GON4L: variants seen among roughly 807,000 people sequenced by gnomAD.
GON4L encodes the protein GON-4-like protein.
A neutral mutation model predicts 211.8 loss-of-function variants in GON4L; 87 were observed. The ratio of observed to expected loss-of-function variants is 0.41; its 90% confidence interval spans 0.35 to 0.49. GON4L has a LOEUF of 0.49. Ranked by LOEUF, GON4L falls within the 20% of genes least tolerant of loss-of-function variation. GON4L has a pLI of 0.15. For missense variants in GON4L, 2,155 were observed against 2,659.5 expected, an observed-to-expected ratio of 0.81 and a Z score of 4.17; for synonymous variants, 875 against 962.6, an observed-to-expected ratio of 0.91 and a Z score of 1.68.
downstream of GON4L, chr1:155,747,108 G>C: frequency 1.2e-6 from 2 of 1,605,558 alleles, no homozygotes; most frequent in Non-Finnish European, 1.7e-6. Context: ...ACTAAATGTC[G>C]ATTTTTCTGA....
At chr1:155,820,001 G>GC (rs1553213316) in intron 6 of GON4L, among the ~76,000 whole-genome samples, 3 of 152,094 alleles carry the variant, frequency 2.0e-5, no homozygotes, top group Non-Finnish European at 4.4e-5. Context: ...TGCAACCTCC[G>GC]CCCCCGGGTT....
In GON4L at chr1:155,785,358, C is replaced by T. The variant is rs1276574294; in HGVS notation, c.1764G>A (p.Glu588=). 2 of 1,600,800 alleles carry T rather than the reference C, an allele frequency of 1.2e-6. No homozygotes were observed. ...CAGTTTCAAACAGCTCTTCCATCAG[C>T]TCATTTACTTCCTTTTCTGCAAGAA... ...AVRITKKEVN[E]LMEELFETFQ... The change falls in exon 13 of 32, where the codon GAG becomes GAA. Residue 588 remains glutamate (E), a synonymous_variant. Transcript: ENST00000368331.
chr1:155,766,775 G>C, intron 20 of GON4L, 66 bp from the exon 21 acceptor site: 1 of 1,605,482 alleles, frequency 6.2e-7, no homozygotes, highest in Non-Finnish European at 8.5e-7. Context: ...GCTTGGCACA[G>C]TGGCTCACGC....
intron 14 of GON4L, among the ~76,000 whole-genome samples, chr1:155,781,123 T>A (rs1020279444): frequency 2.5e-4 from 38 of 151,460 alleles, no homozygotes; most frequent in East Asian, 5.8e-4. Flanking sequence ...AGTTGTATTT[T>A]TTATTATTAT....
intron 24 of GON4L, among the ~76,000 whole-genome samples, chr1:155,759,193 G>C (rs1571630146): frequency 6.6e-6 from 1 of 151,438 alleles, no homozygotes; most frequent in African/African-American, 2.4e-5. Context: ...TAAAGATGGG[G>C]TCTTGCTATG....
At chr1:155,770,023 TAAAAAAAAAAA>T (rs59380170) in intron 19 of GON4L, among the ~76,000 whole-genome samples, 14 of 43,714 alleles carry the variant, frequency 3.2e-4, no homozygotes, top group African/African-American at 1.0e-3. Flanking sequence ...CTCCATTTCT[TAAAAAAAAAAA>T]AAAAAAAAAA....
intron 2 of GON4L, among the ~76,000 whole-genome samples, chr1:155,844,226 G>A (rs1671027545): frequency 6.6e-6 from 1 of 152,154 alleles, no homozygotes; most frequent in South Asian, 2.1e-4. Context: ...CAGACATTAA[G>A]AAAAATTCAG....
chr1:155,791,491 G>GAA (rs77118374), intron 12 of GON4L, among the ~76,000 whole-genome samples: 21 of 128,144 alleles, frequency 1.6e-4, no homozygotes, highest in Admixed American at 9.5e-4. Context: ...TTTGCATAGG[G>GAA]AAAAAAAAAA....
rs1007597918 is a variant in GON4L at position 155,757,045 on chromosome 1, A to T, written c.5430T>A (p.Asp1810Glu). 2 of 1,613,884 alleles carry T rather than the reference A, an allele frequency of 1.2e-6. No homozygotes were observed. The highest frequency in any genetic ancestry group is 1.7e-6 in the Non-Finnish European group (2 of 1,179,826). ...TGGGAGGCTCCTCCTCTTCTTCCAC[A>T]TCAGGCAGGGCCACTTCTTCAAAGC... ...FDGFEEVALP[D>E]VEEEEEPPKI... Residue 1810 changes from aspartate to glutamate, a missense_variant, in exon 27 of 32, where the codon GAT becomes GAA. This residue lies in a region of GON4L where 455 missense variants were observed against 504.6 expected (regional missense o/e 0.90). Transcript: ENST00000368331.
In GON4L at chr1:155,750,597, T is replaced by C; in HGVS notation, c.6713A>G (p.Glu2238Gly). 6.3e-7 allele frequency: 1 copy of C among 1,587,924 alleles called. No homozygotes were observed. The highest frequency in any genetic ancestry group is 1.1e-5 in the South Asian group (1 of 89,868). The change falls in exon 32 of 32, where the codon GAG (glutamate) becomes GGG (glycine). Residue 2238 changes from glutamate (E) to glycine (G), a missense_variant. Around this residue, in one of 6 missense-constraint regions of GON4L, gnomAD observed 186 missense variants for 308.1 expected, o/e 0.60. Transcript: ENST00000368331. ...SDHGDLLSEE[E>G]LDE ...ATTCCCAGAGTCTCATTCATCCAGCTCCTCTTCAGACAGAAGGTCCCCATG... is the reference window on the plus strand; with the variant it reads ...ATTCCCAGAGTCTCATTCATCCAGCCCCTCTTCAGACAGAAGGTCCCCATG...
chr1:155,847,142 C>A (rs535202025), intron 2 of GON4L, among the ~76,000 whole-genome samples: 1 of 152,294 alleles, frequency 6.6e-6, no homozygotes, highest in Admixed American at 6.5e-5. Flanking sequence ...AGTTGAACAC[C>A]GTGAGTTCGA....
Position 155,809,286 on chromosome 1 carries a change from T to A in GON4L, c.1453-4145A>T, listed in dbSNP as rs1667455821. Among the ~76,000 whole-genome samples the A allele has an allele frequency of 1.3e-5, 2 of 152,038 alleles. 1 individual carries two copies. Among genetic ancestry groups the A allele is most frequent in the South Asian group, 4.1e-4 (2 of 4,828 alleles). The stretch of plus-strand genomic sequence containing the variant: ...ATTTAGTTCATAGCACTTAACCACA[T>A]CCGAATTTACTTGTTTATATGTTTA... On this transcript the variant is annotated intron_variant, in intron 10 of 31. Coordinates refer to ENST00000368331, the MANE Select transcript of GON4L (RefSeq NM_001282860.2).
chr1:155,845,313 C>T, intron 2 of GON4L: 1 of 191,706 alleles, frequency 5.2e-6, no homozygotes, highest in South Asian at 8.9e-5. Context: ...AATGAATTTG[C>T]ATGCTAAAAG....
intron 12 of GON4L, among the ~76,000 whole-genome samples, chr1:155,791,249 T>C (rs560515514): frequency 1.3e-5 from 2 of 151,780 alleles, no homozygotes; most frequent in East Asian, 3.9e-4. Context: ...GGAACAAGAG[T>C]GAGACTTCGT....
At chr1:155,812,065 A>G (rs1667843840) in intron 10 of GON4L, among the ~76,000 whole-genome samples, 1 of 152,066 alleles carries the variant, frequency 6.6e-6, no homozygotes, top group Non-Finnish European at 1.5e-5. Flanking sequence ...AAAAAAACAG[A>G]AAGAAAGGAA....
At chr1:155,781,538 T>C (rs984529940) in intron 14 of GON4L, among the ~76,000 whole-genome samples, 12 of 151,520 alleles carry the variant, frequency 7.9e-5, no homozygotes, top group Admixed American at 5.9e-4. Flanking sequence ...TCTTGGCTCA[T>C]TGCAACTTCT....
Position 155,777,681 on chromosome 1 carries a change from G to C in GON4L, c.2032C>G (p.His678Asp). The C allele has an allele frequency of 2.5e-6, 4 of 1,613,702 alleles. No individual in the cohort carries two copies. The highest frequency in any genetic ancestry group is 3.4e-6 in the Non-Finnish European group (4 of 1,179,626). Residue 678 changes from histidine (H) to aspartate (D), a missense_variant, in exon 15 of 32, where the codon CAT becomes GAT. His to Asp is a moderately conservative substitution (Grantham distance 81). Transcript: ENST00000368331. ...EKVKPQSEKVHQTLILDPAQR... is the reference protein window; with the variant it reads ...EKVKPQSEKVDQTLILDPAQR... ...GCTGGGTCCAGAATCAGAGTCTGATGAACTTTCTCACTCTGGGGTTTAACC... is the reference window on the plus strand; with the variant it reads ...GCTGGGTCCAGAATCAGAGTCTGATCAACTTTCTCACTCTGGGGTTTAACC...
intron 27 of GON4L, 54 bp from the exon 28 acceptor site, chr1:155,754,542 T>C: frequency 8.6e-7 from 1 of 1,160,314 alleles, no homozygotes; most frequent in Non-Finnish European, 1.2e-6. Flanking sequence ...TTTTTTTTTT[T>C]TTTTTGAGAC....
chr1:155,821,275 T>A lies in GON4L; in HGVS notation c.963+199A>T, dbSNP rs148981757. ...AGTAAGACTCCGTCTCAAAAAAAAA[T>A]AATAATAATAAAATAATAATAATAA... On this transcript the variant is annotated intron_variant, in intron 5 of 31. Transcript: ENST00000368331. 8.4e-3 allele frequency among the ~76,000 whole-genome samples: 1,265 copies of A among 150,344 alleles called. 5 individuals are homozygous for A. Among genetic ancestry groups the A allele is most frequent in the Middle Eastern group, 0.028 (8 of 288 alleles).
Sources: allele counts gnomAD v4.1 joint callset (sites outside exome capture counted in the v4.1 genomes callset), GRCh38; gene constraint gnomAD v4.1.1; regional missense constraint gnomAD v4.1.1; transcripts MANE v1.5; gene names NCBI Gene and HGNC (gene_info 2026-07-23, HGNC 2026-07-21).